The following TMEM114 variants were observed in gnomAD, a reference collection of about 807,000 sequenced individuals.
TMEM114 encodes transmembrane protein 114.
A neutral mutation model predicts 6.2 loss-of-function variants in TMEM114; 6 were observed. The ratio of observed to expected loss-of-function variants is 0.97; its 90% CI spans 0.53 to 1.91. The LOEUF is 1.91. TMEM114 is among the 40% of genes most tolerant of loss of function. The pLI, the probability that TMEM114 is intolerant of heterozygous loss-of-function variation, is 0.01. For synonymous variants in TMEM114, 104 were observed against 73.0 expected (o/e 1.42, Z -2.16); for missense variants, 218 against 158.3 (o/e 1.38, Z -2.02).
chr16:8,549,953 C>T (rs1267595995), intron 2 of TMEM114, among the ~76,000 whole-genome samples: 1 of 152,190 alleles, frequency 6.6e-6, no homozygotes, highest in African/African-American at 2.4e-5. Flanking sequence ...AGTCCCAAAA[C>T]CTCAAAACCA....
At chr16:8,576,859 C>A (rs1279017357) in intron 2 of TMEM114, among the ~76,000 whole-genome samples, 4 of 152,158 alleles carry the variant, frequency 2.6e-5, no homozygotes, top group Admixed American at 2.6e-4. Context: ...AATCCCACCT[C>A]CTTGGAACTT....
chr16:8,527,372 C>G, the TMEM114 span, among the ~76,000 whole-genome samples: 1 of 152,182 alleles, frequency 6.6e-6, no homozygotes, highest in Non-Finnish European at 1.5e-5. Context: ...AAATTCAAAT[C>G]CTGCCTCTGC....
downstream of TMEM114, among the ~76,000 whole-genome samples, chr16:8,565,574 C>T (rs570825115): frequency 3.9e-5 from 6 of 152,254 alleles, no homozygotes; most frequent in East Asian, 7.7e-4. Flanking sequence ...CCTCTAACCC[C>T]CGGTTAGTCC....
intron 2 of TMEM114, among the ~76,000 whole-genome samples, chr16:8,583,166 C>G (rs34186827): frequency 0.16 from 24,186 of 152,158 alleles, 2,515 homozygotes; most frequent in East Asian, 0.38. Flanking sequence ...TGGTGTCCAG[C>G]ACACAGCAAC....
chr16:8,579,337 A>G (rs1223899198), intron 2 of TMEM114, among the ~76,000 whole-genome samples: 1 of 152,204 alleles, frequency 6.6e-6, no homozygotes, highest in Non-Finnish European at 1.5e-5. Context: ...ACTTACTACA[A>G]GGAAGAAATT....
chr16:8,588,104 T>A (rs1171316514), intron 2 of TMEM114, among the ~76,000 whole-genome samples: 1 of 152,034 alleles, frequency 6.6e-6, no homozygotes, highest in African/African-American at 2.4e-5. Context: ...TGGCTAACAT[T>A]GTGAAACTCC....
intron 2 of TMEM114, among the ~76,000 whole-genome samples, chr16:8,560,738 C>T (rs1330582784): frequency 6.6e-6 from 1 of 152,148 alleles, no homozygotes; most frequent in Non-Finnish European, 1.5e-5. Flanking sequence ...CCAGGGGGCC[C>T]TCACTATGTC....
In TMEM114 at chr16:8,589,722, C is replaced by T; in HGVS notation, c.117G>A (p.Arg39=). The change falls in exon 1 of 4, where the codon CGG becomes CGA. Residue 39 remains arginine, a synonymous_variant. Coordinates refer to ENST00000620492, the MANE Select transcript of TMEM114 (RefSeq NM_001146336.2). ...TDFWYIIDTE[R]LERTGPGAQD... is the part of the protein sequence containing the mutation. Reference sequence around the variant, plus strand: ...GCGCCCCCGGGCCAGTCCTCTCCAGCCGCTCGGTGTCAATGATATACCAGA... The same window carrying T: ...GCGCCCCCGGGCCAGTCCTCTCCAGTCGCTCGGTGTCAATGATATACCAGA... 1 of 398,514 alleles carries T rather than the reference C, an allele frequency of 2.5e-6. No individual in the cohort carries two copies. Among genetic ancestry groups the T allele is most frequent in the East Asian group, 3.6e-5 (1 of 28,060 alleles). 24.7% of individuals were successfully genotyped at this position (398,514 alleles called of 1,614,324 possible). A position where few individuals can be genotyped will look rare whatever the true frequency, so the allele number is the denominator to read the frequency against.
At chr16:8,549,414 C>T (rs951598522) in intron 2 of TMEM114, among the ~76,000 whole-genome samples, 5 of 149,876 alleles carry the variant, frequency 3.3e-5, no homozygotes, top group East Asian at 2.0e-4. Flanking sequence ...GAAGGAGAAT[C>T]GCTTGAACCC....
intron 2 of TMEM114, among the ~76,000 whole-genome samples, chr16:8,539,510 G>A (rs750274010): frequency 5.3e-5 from 8 of 152,066 alleles, no homozygotes; most frequent in Non-Finnish European, 8.8e-5. Flanking sequence ...TTCCCTGCAG[G>A]CTCACACCAC....
At chr16:8,567,295 T>C (rs148042330), downstream of TMEM114, among the ~76,000 whole-genome samples, 259 of 152,234 alleles carry the variant, frequency 1.7e-3, 1 homozygote, top group African/African-American at 5.8e-3. Context: ...TATCATCTGT[T>C]CCCATGTGAG....
chr16:8,571,185 A>C (rs1345567492), intron 3 of TMEM114, among the ~76,000 whole-genome samples: 1 of 151,114 alleles, frequency 6.6e-6, no homozygotes, highest in African/African-American at 2.4e-5. Flanking sequence ...GCAGCCAGCC[A>C]CGTGCCAGGT....
At chr16:8,550,011 C>A (rs932779150) in intron 2 of TMEM114, among the ~76,000 whole-genome samples, 1 of 152,162 alleles carries the variant, frequency 6.6e-6, no homozygotes, top group African/African-American at 2.4e-5. Context: ...GGCCCAAGAT[C>A]CCCTGGCAAA....
chr16:8,553,784 C>G (rs1266330466), intron 2 of TMEM114, among the ~76,000 whole-genome samples: 1 of 152,024 alleles, frequency 6.6e-6, no homozygotes, highest in Non-Finnish European at 1.5e-5. Flanking sequence ...CCTGCCCAAT[C>G]TCAGCTTTTC....
rs114843495 is a variant in TMEM114 at position 8,544,482 on chromosome 16, C to T, written n.213-6656G>A. Among the ~76,000 whole-genome samples the T allele has an allele frequency of 4.7e-3, 713 of 152,268 alleles. 4 individuals carry two copies. The highest frequency in any genetic ancestry group is 0.016 in the African/African-American group (673 of 41,552). The stretch of plus-strand genomic sequence containing the variant: ...GGGTTCACCAGTAGAAGAAACAAAA[C>T]CTGCTGAATTTTAAGAACGTCAAGT... On this transcript the variant is annotated intron_variant and non_coding_transcript_variant, in intron 2 of 2. Coordinates refer to the TMEM114 transcript ENST00000623677.
chr16:8,542,465 T>C (rs1900543033), intron 2 of TMEM114, among the ~76,000 whole-genome samples: 1 of 152,168 alleles, frequency 6.6e-6, no homozygotes, highest in Non-Finnish European at 1.5e-5. Flanking sequence ...CTTGGAAAAC[T>C]TTCATATCTG....
At chr16:8,555,940 G>A (rs13337786) in intron 2 of TMEM114, among the ~76,000 whole-genome samples, 5 of 151,730 alleles carry the variant, frequency 3.3e-5, no homozygotes, top group African/African-American at 1.2e-4. Flanking sequence ...CCTCTTGGAC[G>A]TGTCCATCTT....
intron 2 of TMEM114, among the ~76,000 whole-genome samples, chr16:8,542,847 G>T (rs770060982): frequency 4.6e-5 from 7 of 152,162 alleles, no homozygotes; most frequent in African/African-American, 7.2e-5. Context: ...CTGCACCAGA[G>T]TTTAGCAAAC....
chr16:8,587,649 C>T (rs890623494), intron 2 of TMEM114, among the ~76,000 whole-genome samples: 1 of 152,340 alleles, frequency 6.6e-6, no homozygotes, highest in South Asian at 2.1e-4. Flanking sequence ...GCCTTGTGGG[C>T]CATGCTAGGC....
Sources: gnomAD v4.1 joint callset for allele counts (sites outside exome capture counted in the v4.1 genomes callset) on GRCh38, gnomAD v4.1.1 for gene constraint, MANE v1.5 for transcripts, NCBI Gene and HGNC (gene_info 2026-07-23, HGNC 2026-07-21) for gene names.